SNX24: variants seen among roughly 807,000 people sequenced by gnomAD.
SNX24 encodes the protein sorting nexin-24.
A neutral mutation model predicts 28.7 loss-of-function variants in SNX24; 22 were observed. The observed-to-expected ratio is 0.77, with a 90% CI of 0.55 to 1.10. The LOEUF (loss-of-function observed/expected upper bound fraction) is 1.10. Ranked by LOEUF, SNX24 falls within the 50% of genes least tolerant of loss-of-function variation. The pLI is 0.00. For missense variants in SNX24, 221 were observed against 201.1 expected, an observed-to-expected ratio of 1.10 and a Z score of -0.60; for synonymous variants, 69 against 71.5, an observed-to-expected ratio of 0.96 and a Z score of 0.18.
intron 1 of SNX24, among the ~76,000 whole-genome samples, chr5:122,884,958 G>T (rs1195456029): frequency 6.6e-6 from 1 of 152,244 alleles, no homozygotes; most frequent in African/African-American, 2.4e-5. Flanking sequence ...AAATTGGCAC[G>T]TGTATTCTTA....
chr5:122,889,732 T>TATATA (rs1756880981), intron 1 of SNX24, among the ~76,000 whole-genome samples: 1 of 146,336 alleles, frequency 6.8e-6, no homozygotes, highest in African/African-American at 2.6e-5. Flanking sequence ...TATGTGTATA[T>TATATA]ATATATATGT....
At chr5:123,006,373 G>A (rs887464089) in intron 6 of SNX24, among the ~76,000 whole-genome samples, 2 of 152,152 alleles carry the variant, frequency 1.3e-5, no homozygotes, top group Middle Eastern at 3.4e-3. Flanking sequence ...CTGTCACTTG[G>A]TCCCGTCCTT....
At position 122,892,574 on chromosome 5, in the gene SNX24, G is replaced by A. The variant is rs181077471; in HGVS notation, c.61-44160G>A. ...TGTTCCTTAGCCTCCCGAGTAGCTG[G>A]GACTACAGGCGCCCACCACCATGCC... is the stretch of plus-strand genomic sequence containing the variant. On this transcript the variant is annotated intron_variant, in intron 1 of 6. Transcript: ENST00000261369. Among the ~76,000 whole-genome samples, 610 of 151,432 alleles carry A rather than the reference G, an allele frequency of 4.0e-3. 4 individuals carry two copies. The highest frequency in any genetic ancestry group is 0.014 in the African/African-American group (565 of 41,312).
chr5:122,922,944 G>A (rs1758505144), intron 1 of SNX24, among the ~76,000 whole-genome samples: 1 of 152,150 alleles, frequency 6.6e-6, no homozygotes, highest in African/African-American at 2.4e-5. Context: ...GGATAAAGGA[G>A]TAATCACATT....
chr5:122,868,505 A>G (rs756719303), intron 1 of SNX24, among the ~76,000 whole-genome samples: 2 of 152,140 alleles, frequency 1.3e-5, no homozygotes, highest in Non-Finnish European at 2.9e-5. Context: ...CACTTAACCT[A>G]TAGCAACCTG....
At chr5:122,879,260 A>G (rs1016788921) in intron 1 of SNX24, among the ~76,000 whole-genome samples, 8 of 152,198 alleles carry the variant, frequency 5.3e-5, no homozygotes, top group East Asian at 3.8e-4. Context: ...GGCGAGTGCT[A>G]TGCTATGTTG....
At chr5:122,969,473 A>G (rs1009339777) in intron 3 of SNX24, among the ~76,000 whole-genome samples, 1 of 152,050 alleles carries the variant, frequency 6.6e-6, no homozygotes, top group Admixed American at 6.6e-5. Context: ...TCCACAGAGG[A>G]TGGTGGTGTT....
At chr5:123,028,940 G>T in intron 5 of SNX24, 1 of 1,299,216 alleles carries the variant, frequency 7.7e-7, no homozygotes, top group Middle Eastern at 1.9e-4. Context: ...TGTTGATCTA[G>T]AAAGGACAAA....
intron 3 of SNX24, among the ~76,000 whole-genome samples, chr5:122,974,879 C>A (rs996547795): frequency 5.9e-5 from 9 of 152,216 alleles, no homozygotes; most frequent in Non-Finnish European, 7.3e-5. Flanking sequence ...GTCAGGGAGC[C>A]AATGTGTGGG....
intron 2 of SNX24, among the ~76,000 whole-genome samples, chr5:122,945,697 C>T (rs1454403338): frequency 6.6e-6 from 1 of 152,090 alleles, no homozygotes; most frequent in Non-Finnish European, 1.5e-5. Context: ...CAGCAAAGTC[C>T]TTCATCCAAG....
rs564509592 is a variant in SNX24, at chr5:122,908,171, T to C, written c.61-28563T>C. Among the ~76,000 whole-genome samples, 5 of 152,370 alleles carry C rather than the reference T, an allele frequency of 3.3e-5. No individual in the cohort carries two copies. In the South Asian group the frequency reaches 8.3e-4, roughly 25 times the overall value. On this transcript the variant is annotated intron_variant, in intron 1 of 6. Transcript: ENST00000261369. ...AAGCTCTTGTGTACGGGGAGCAAAA[T>C]GTCATCACCTGAATGTGGCTGCATT...
intron 1 of SNX24, among the ~76,000 whole-genome samples, chr5:122,898,016 G>A (rs1056134007): frequency 2.6e-5 from 4 of 152,134 alleles, no homozygotes; most frequent in African/African-American, 9.7e-5. Context: ...TTCTTCAGTT[G>A]AGCAATACAA....
chr5:122,962,618 T>C (rs2150139736), intron 3 of SNX24, among the ~76,000 whole-genome samples: 1 of 152,336 alleles, frequency 6.6e-6, no homozygotes, highest in South Asian at 2.1e-4. Context: ...AAGCTATGGG[T>C]AATGATCCTT....
At chr5:123,001,911 G>A in intron 5 of SNX24, 29 bp from the exon 6 acceptor site, 1 of 1,603,632 alleles carries the variant, frequency 6.2e-7, no homozygotes, top group Non-Finnish European at 8.5e-7. Context: ...GTCCCCTGAT[G>A]CTGACATGCC....
chr5:122,857,424 T>A (rs1344459865), intron 1 of SNX24, among the ~76,000 whole-genome samples: 2 of 151,916 alleles, frequency 1.3e-5, no homozygotes, highest in African/African-American at 4.8e-5. Flanking sequence ...TTTTTTTTTT[T>A]AGGTTCAGAG....
At chr5:123,001,807 T>C (rs1408016424) in intron 5 of SNX24, 133 bp from the exon 6 acceptor site, 13 of 730,924 alleles carry the variant, frequency 1.8e-5, no homozygotes, top group Non-Finnish European at 2.9e-5. Context: ...CGTGCTATTA[T>C]TCACCCACAC....
intron 1 of SNX24, among the ~76,000 whole-genome samples, chr5:122,924,204 A>T (rs534747506): frequency 6.6e-6 from 1 of 152,364 alleles, no homozygotes; most frequent in Non-Finnish European, 1.5e-5. Context: ...AGTTTAATTT[A>T]TAAGTTAGGC....
At chr5:122,923,536 A>G (rs985019202) in intron 1 of SNX24, among the ~76,000 whole-genome samples, 8 of 152,114 alleles carry the variant, frequency 5.3e-5, no homozygotes, top group African/African-American at 1.7e-4. Flanking sequence ...GCCTTTGTCT[A>G]TGAGGAGGGT....
intron 1 of SNX24, among the ~76,000 whole-genome samples, chr5:122,857,779 A>T (rs1174613292): frequency 6.6e-6 from 1 of 152,088 alleles, no homozygotes; most frequent in Non-Finnish European, 1.5e-5. Flanking sequence ...CATGATGTAT[A>T]TGTACCACCT....
Sources: gnomAD v4.1 joint callset for allele counts (sites outside exome capture counted in the v4.1 genomes callset) on GRCh38, gnomAD v4.1.1 for gene constraint, MANE v1.5 for transcripts, NCBI Gene and HGNC (gene_info 2026-07-23, HGNC 2026-07-21) for gene names.